Variants in ZDHHC17 observed in about 807,000 individuals in gnomAD.
ZDHHC17 encodes palmitoyltransferase ZDHHC17.
A neutral mutation model predicts 90.3 loss-of-function variants in ZDHHC17; 40 were observed. The ratio of observed to expected loss-of-function variants is 0.44; its 90% CI spans 0.34 to 0.58. The LOEUF (loss-of-function observed/expected upper bound fraction) is 0.58, where lower values mean the gene tolerates loss of function less well. Among genes scored for constraint, ZDHHC17 ranks in the 20% least tolerant of loss-of-function variants. The probability of loss-of-function intolerance (pLI) is 0.01; values close to 1 mark genes in which losing one functional copy is unlikely to be tolerated. For synonymous variants in ZDHHC17, 235 were observed against 252.4 expected (o/e 0.93, Z 0.65); for missense variants, 614 against 780.8 (o/e 0.79, Z 2.55).
At chr12:76,847,597 T>TAATC (rs1953510271) in intron 14 of ZDHHC17, among the ~76,000 whole-genome samples, 2 of 152,194 alleles carry the variant, frequency 1.3e-5, no homozygotes, top group African/African-American at 4.8e-5. Context: ...TCATTGCCTA[T>TAATC]AATCCCAAAA....
Position 76,764,243 on chromosome 12 carries a change from C to T in ZDHHC17, c.7C>T (p.Arg3Trp). Residue 3 changes from arginine to tryptophan, a missense_variant, in exon 1 of 17, where the codon CGG becomes TGG. Transcript: ENST00000426126. MQREEGFNTKMAD... is the reference protein window; with the variant it reads MQWEEGFNTKMAD... ...TGAAACGCTTTCTCCCAGCATGCAG[C>T]GGGAGGAGGGATTTAACACCAAGAT... is the stretch of plus-strand genomic sequence containing the variant. 2 of 1,600,832 alleles carry T rather than the reference C, an allele frequency of 1.2e-6. No individual in the cohort carries two copies. The highest frequency in any genetic ancestry group is 1.7e-6 in the Non-Finnish European group (2 of 1,173,788).
chr12:76,783,817 A>T (rs1254922663), intron 1 of ZDHHC17, among the ~76,000 whole-genome samples: 1 of 152,250 alleles, frequency 6.6e-6, no homozygotes, highest in Non-Finnish European at 1.5e-5. Flanking sequence ...ACATATATCC[A>T]TATAAGAGGG....
chr12:76,843,482 C>T (rs995944535), intron 12 of ZDHHC17, among the ~76,000 whole-genome samples: 4 of 151,380 alleles, frequency 2.6e-5, no homozygotes, highest in Admixed American at 2.0e-4. Context: ...ACTGTTTTAT[C>T]ATAGATTTTT....
At chr12:76,846,557 T>C in intron 13 of ZDHHC17, 39 bp from the exon 14 acceptor site, 1 of 1,559,052 alleles carries the variant, frequency 6.4e-7, no homozygotes, top group Non-Finnish European at 8.8e-7. Flanking sequence ...CGTTGTTTTT[T>C]TCTTAGCTGA....
rs768489490 is a variant in ZDHHC17, at chr12:76,828,371, T to C, written c.1041-19T>C. ...AATGAAATATAGAGCTCATATTTTA[T>C]AAAACTTGTGTTTTACAGATCCTTT... is the stretch of plus-strand genomic sequence containing the variant. On this transcript the variant is annotated intron_variant, in intron 9 of 16. Coordinates refer to ENST00000426126, the MANE Select transcript of ZDHHC17 (RefSeq NM_015336.4). 6.4e-7 allele frequency: 1 copy of C among 1,572,436 alleles called. No homozygotes were observed. Among genetic ancestry groups the C allele is most frequent in the African/African-American group, 1.4e-5 (1 of 72,718 alleles).
chr12:76,766,757 C>T (rs1378652660), intron 1 of ZDHHC17, among the ~76,000 whole-genome samples: 1 of 151,968 alleles, frequency 6.6e-6, no homozygotes, highest in Admixed American at 6.6e-5. Flanking sequence ...CGGAGGCTCA[C>T]ACCTGTAGTC....
At chr12:76,774,947 C>G (rs1030807677) in intron 1 of ZDHHC17, among the ~76,000 whole-genome samples, 2 of 152,156 alleles carry the variant, frequency 1.3e-5, no homozygotes, top group African/African-American at 4.8e-5. Context: ...GAGACAGGAT[C>G]TTACTGTAGC....
chr12:76,842,256 A>G, intron 11 of ZDHHC17, 150 bp downstream of exon 11: 1 of 852,712 alleles, frequency 1.2e-6, no homozygotes, highest in Non-Finnish European at 1.6e-6. Flanking sequence ...TTTGGTGCTC[A>G]TCCTTGGTGC....
intron 1 of ZDHHC17, among the ~76,000 whole-genome samples, chr12:76,796,825 T>C (rs1952824987): frequency 6.6e-6 from 1 of 152,216 alleles, no homozygotes; most frequent in African/African-American, 2.4e-5. Context: ...GAGAATGAGT[T>C]GATCTGATGA....
At chr12:76,809,610 C>T in intron 4 of ZDHHC17, 103 bp from the exon 5 acceptor site, 2 of 918,110 alleles carry the variant, frequency 2.2e-6, no homozygotes, top group East Asian at 3.2e-5. Flanking sequence ...TTTCAAAATA[C>T]ATACGTAATC....
chr12:76,835,821 A>G (rs1425517823), intron 10 of ZDHHC17, among the ~76,000 whole-genome samples: 1 of 152,066 alleles, frequency 6.6e-6, no homozygotes, highest in Non-Finnish European at 1.5e-5. Flanking sequence ...AAAGGGTATC[A>G]TCTTTAAAAG....
chr12:76,817,147 T>C (rs924499228), intron 7 of ZDHHC17, among the ~76,000 whole-genome samples: 2 of 152,074 alleles, frequency 1.3e-5, no homozygotes, highest in African/African-American at 4.8e-5. Flanking sequence ...TCAGAAATTA[T>C]AGAGAGAAAT....
chr12:76,826,921 A>C lies in ZDHHC17; in HGVS notation c.911A>C (p.Lys304Thr). 6.6e-7 allele frequency: 1 copy of C among 1,510,190 alleles called. No homozygotes were observed. Among genetic ancestry groups the C allele is most frequent in the Non-Finnish European group, 8.8e-7 (1 of 1,141,232 alleles). 93.5% of individuals were successfully genotyped at this position (1,510,190 alleles called of 1,614,324 possible). A position where few individuals can be genotyped will look rare whatever the true frequency, so the allele number is the denominator to read the frequency against. The stretch of plus-strand genomic sequence containing the variant: ...GTTTCTATACAGGAATTTCGGCAGA[A>C]AGTAATGTTAGGAACTCCTTTCCTA... The part of the protein sequence containing the change: ...KLKADKEFRQ[K>T]VMLGTPFLVI... The change falls in exon 9 of 17, where the codon AAA becomes ACA. Residue 304 changes from lysine (K) to threonine (T), a missense_variant. Lys to Thr is a moderately conservative substitution (Grantham distance 78). Around this residue, in one of 5 missense-constraint regions of ZDHHC17, gnomAD observed 358 missense variants for 380.4 expected, o/e 0.94. Transcript: ENST00000426126.
chr12:76,823,114 C>T (rs187665198), intron 8 of ZDHHC17, among the ~76,000 whole-genome samples: 2 of 152,096 alleles, frequency 1.3e-5, no homozygotes, highest in African/African-American at 4.8e-5. Flanking sequence ...TACTCGTGTA[C>T]ATTTTGGTTC....
chr12:76,822,286 C>T lies in ZDHHC17; in HGVS notation c.772-120C>T, dbSNP rs373932725. On this transcript the variant is annotated intron_variant, in intron 7 of 16. Transcript: ENST00000426126. ...TGATGCAGGTGTTTTTAGTAATTTA[C>T]ACAATGTCAAAACAACGTTAATAGG... The T allele has an allele frequency of 6.9e-6, 9 of 1,298,918 alleles. No individual in the cohort carries two copies. The East Asian group carries it at 1.0e-4, about 15-fold the overall frequency. The allele number at this position is 1,298,918 out of a possible 1,614,324, so 80.5% of individuals were successfully genotyped here. A position where few individuals can be genotyped will look rare whatever the true frequency, so the allele number is the denominator to read the frequency against.
rs113530355 is a variant in ZDHHC17 at position 76,813,565 on chromosome 12, A to G, written c.544-1581A>G. 113 of 258,886 alleles carry G rather than the reference A, an allele frequency of 4.4e-4. 1 individual carries two copies. The highest frequency in any genetic ancestry group is 2.3e-3 in the African/African-American group (98 of 43,112). 16.0% of individuals were successfully genotyped at this position (258,886 alleles called of 1,614,324 possible). On this transcript the variant is annotated intron_variant, in intron 5 of 16. Coordinates refer to ENST00000426126, the MANE Select transcript of ZDHHC17 (RefSeq NM_015336.4). ...ATGTTCACATTTGAGACATATTCCT[A>G]TTGCTAACAGTGGCTCACAGAGAAC... is the stretch of plus-strand genomic sequence containing the variant.
intron 7 of ZDHHC17, among the ~76,000 whole-genome samples, chr12:76,820,297 T>G: frequency 6.6e-6 from 1 of 152,194 alleles, no homozygotes; most frequent in East Asian, 1.9e-4. Flanking sequence ...AATCTCTTCT[T>G]GTAAAGCAAC....
intron 1 of ZDHHC17, among the ~76,000 whole-genome samples, chr12:76,788,687 A>AATAT (rs200431684): frequency 3.1e-5 from 2 of 65,270 alleles, no homozygotes; most frequent in African/African-American, 1.1e-4. Flanking sequence ...TTGGAATCGC[A>AATAT]ATTTTTTTTT....
At chr12:76,789,025 A>G (rs1339063512) in intron 1 of ZDHHC17, among the ~76,000 whole-genome samples, 1 of 152,090 alleles carries the variant, frequency 6.6e-6, no homozygotes, top group Non-Finnish European at 1.5e-5. Context: ...AATAGTGGAG[A>G]ATTTAAAAAT....
Sources: allele counts gnomAD v4.1 joint callset (sites outside exome capture counted in the v4.1 genomes callset), GRCh38; gene constraint gnomAD v4.1.1; regional missense constraint gnomAD v4.1.1; transcripts MANE v1.5; gene names NCBI Gene and HGNC (gene_info 2026-07-23, HGNC 2026-07-21).